Variants in BCAS3 observed in about 807,000 individuals in gnomAD.
BCAS3 encodes the protein BCAS3 microtubule associated cell migration factor.
Under a neutral mutation model 116.1 loss-of-function variants are expected in BCAS3, and 53 were observed. The ratio of observed to expected loss-of-function variants is 0.46; its 90% CI spans 0.37 to 0.57. BCAS3 has a LOEUF of 0.57. Among genes scored for constraint, BCAS3 ranks in the 20% least tolerant of loss-of-function variants. BCAS3 has a pLI of 0.00. For missense variants in BCAS3, 917 were observed against 1,165.4 expected (o/e 0.79, Z 3.10); for synonymous variants, 391 against 408.2 (o/e 0.96, Z 0.51).
rs185515700 is a variant in BCAS3 at position 61,365,492 on chromosome 17, C to T, written c.2426-2835C>T. On this transcript the variant is annotated intron_variant, in intron 22 of 23. Transcript: ENST00000407086. This position sits in a 1 kb window ranked among gnomAD's most constrained non-coding sequence, Gnocchi z 4.6. ...GGGATTGCAGGTGCCCGCCACCATGCCCAGCTAACTTTTGTATTTTTAGTC... is the reference window on the plus strand; with the variant it reads ...GGGATTGCAGGTGCCCGCCACCATGTCCAGCTAACTTTTGTATTTTTAGTC... Among the ~76,000 whole-genome samples, 1 of 152,228 alleles carries T rather than the reference C, an allele frequency of 6.6e-6. No homozygotes were observed. The highest frequency in any genetic ancestry group is 1.9e-4 in the East Asian group (1 of 5,166).
intron 22 of BCAS3, among the ~76,000 whole-genome samples, chr17:61,283,839 C>G (rs1339634546): frequency 6.6e-6 from 1 of 152,188 alleles, no homozygotes; most frequent in East Asian, 1.9e-4. Flanking sequence ...TCATAGCTCA[C>G]TGCAGCCTCA....
At chr17:60,932,553 A>C (rs1234711440) in intron 13 of BCAS3, among the ~76,000 whole-genome samples, 1 of 151,636 alleles carries the variant, frequency 6.6e-6, no homozygotes, top group Non-Finnish European at 1.5e-5. Flanking sequence ...CATCCTGGCT[A>C]ACATGGTGAA....
At chr17:61,059,402 G>T (rs2069751864) in intron 19 of BCAS3, among the ~76,000 whole-genome samples, 1 of 151,814 alleles carries the variant, frequency 6.6e-6, no homozygotes, top group Non-Finnish European at 1.5e-5. Context: ...TTTAAAATGG[G>T]TATTAATAAT....
intron 22 of BCAS3, among the ~76,000 whole-genome samples, chr17:61,114,193 C>G (rs900280774): frequency 7.6e-6 from 1 of 132,330 alleles, no homozygotes; most frequent in African/African-American, 2.8e-5. Context: ...CAGGGATGCC[C>G]TCTCTCACCA....
chr17:61,038,138 A>G (rs1568185861), intron 18 of BCAS3, 84 bp downstream of exon 18: 11 of 1,241,690 alleles, frequency 8.9e-6, no homozygotes, highest in Middle Eastern at 2.0e-4. Context: ...AAGTTTTGAC[A>G]TGCATACAGC....
In BCAS3 at chr17:61,056,489, G is replaced by A. The variant is rs936360151; in HGVS notation, c.2029+15597G>A. ...TAACTTATACTTTATTTTAATTAAA[G>A]TATTTAAAATAAATTTATAAAGTAT... On this transcript the variant is annotated intron_variant, in intron 19 of 23. Transcript: ENST00000407086. This position sits in a 1 kb window ranked among gnomAD's most constrained non-coding sequence, Gnocchi z 4.9. Among the ~76,000 whole-genome samples, 28 of 152,058 alleles carry A rather than the reference G, an allele frequency of 1.8e-4. No homozygotes were observed. In the East Asian group the frequency reaches 5.4e-3, roughly 29 times the overall value.
At chr17:60,932,675 G>A (rs976465763) in intron 13 of BCAS3, among the ~76,000 whole-genome samples, 9 of 146,650 alleles carry the variant, frequency 6.1e-5, no homozygotes, top group African/African-American at 2.3e-4. Flanking sequence ...TTGGGAGGCG[G>A]AGCTTGCAGT....
At chr17:60,834,816 C>T (rs1445771926) in intron 7 of BCAS3, among the ~76,000 whole-genome samples, 1 of 151,730 alleles carries the variant, frequency 6.6e-6, no homozygotes, top group Non-Finnish European at 1.5e-5. Context: ...AGTTATATTG[C>T]TTTTAGGGAA....
chr17:60,933,174 A>C (rs941336941), intron 13 of BCAS3, among the ~76,000 whole-genome samples: 2 of 151,306 alleles, frequency 1.3e-5, no homozygotes, highest in African/African-American at 4.9e-5. Flanking sequence ...CTCAAAAAGA[A>C]AAAAAAAAGG....
chr17:60,734,742 CT>C (rs1447182859), intron 5 of BCAS3, among the ~76,000 whole-genome samples: 1 of 152,188 alleles, frequency 6.6e-6, no homozygotes, highest in Non-Finnish European at 1.5e-5. Context: ...TAAAGTAAGT[CT>C]TGAAATCAGA....
chr17:61,102,664 T>C (rs957988056), intron 22 of BCAS3, among the ~76,000 whole-genome samples: 1 of 152,158 alleles, frequency 6.6e-6, no homozygotes, highest in African/African-American at 2.4e-5. Flanking sequence ...GCATGAGCTT[T>C]GTGGTTAGGT....
chr17:60,953,275 GT>G (rs1160552896), intron 14 of BCAS3, among the ~76,000 whole-genome samples: 1 of 152,132 alleles, frequency 6.6e-6, no homozygotes, highest in African/African-American at 2.4e-5. Context: ...AGGAGCATCT[GT>G]TATTTTTTGA....
intron 6 of BCAS3, among the ~76,000 whole-genome samples, chr17:60,778,402 G>T (rs868219560): frequency 6.6e-6 from 1 of 151,956 alleles, no homozygotes; most frequent in African/African-American, 2.4e-5. Flanking sequence ...TCATATGCTT[G>T]TTTCAATTTG....
chr17:60,861,774 G>T (rs1287871091), intron 7 of BCAS3, among the ~76,000 whole-genome samples: 1 of 152,200 alleles, frequency 6.6e-6, no homozygotes, highest in South Asian at 2.1e-4. Context: ...AGTTGTGTTT[G>T]TATGATGAAT....
chr17:61,010,060 G>T (rs1234593240), intron 15 of BCAS3, among the ~76,000 whole-genome samples: 2 of 146,796 alleles, frequency 1.4e-5, no homozygotes, highest in East Asian at 4.0e-4. Context: ...GGAGTTTTCA[G>T]ACTCTGTCTT....
chr17:60,889,923 A>C, intron 10 of BCAS3, 152 bp downstream of exon 10: 2 of 701,836 alleles, frequency 2.8e-6, no homozygotes, highest in Non-Finnish European at 4.8e-6. Context: ...TGTGCAACTA[A>C]TAATTGAACT....
At chr17:60,991,915 A>G (rs546530094) in intron 15 of BCAS3, among the ~76,000 whole-genome samples, 1 of 152,190 alleles carries the variant, frequency 6.6e-6, no homozygotes, top group East Asian at 1.9e-4. Context: ...ATGTTTTTGA[A>G]GTTCATCCAC....
In BCAS3 at chr17:61,165,607, A is replaced by G. The variant is rs548654361; in HGVS notation, c.2425+81043A>G. On this transcript the variant is annotated intron_variant, in intron 22 of 23. Transcript: ENST00000407086. ...AGGCTGAGGCAGGAGAATTGCTTCA[A>G]CCTGGGAGGCAGAGGTTGCAGTGAG... Among the ~76,000 whole-genome samples, 5 of 152,300 alleles carry G rather than the reference A, an allele frequency of 3.3e-5. No homozygotes were observed. The East Asian group carries it at 7.7e-4, about 24-fold the overall frequency.
At chr17:60,792,796 A>C (rs2046890447) in intron 6 of BCAS3, among the ~76,000 whole-genome samples, 1 of 152,132 alleles carries the variant, frequency 6.6e-6, no homozygotes, top group Non-Finnish European at 1.5e-5. Context: ...CTCAATATTG[A>C]ACTTTCCAGC....
Sources: gnomAD v4.1 joint callset for allele counts (sites outside exome capture counted in the v4.1 genomes callset) on GRCh38, gnomAD v4.1.1 for gene constraint, Gnocchi (gnomAD v3.1) non-coding constraint, MANE v1.5 for transcripts, NCBI Gene and HGNC (gene_info 2026-07-23, HGNC 2026-07-21) for gene names.